The following B3GALT5 variants were observed in gnomAD, a reference collection of about 807,000 sequenced individuals.
B3GALT5 encodes the protein UDP-Gal:betaGlcNAc beta 1,3-galactosyltransferase, polypeptide 5.
For synonymous variants in B3GALT5, 156 were observed against 158.6 expected (o/e 0.98, Z 0.12); for missense variants, 328 against 396.6 (o/e 0.83, Z 1.47).
chr21:39,649,467 G>A (rs1026217875), intron 2 of B3GALT5, among the ~76,000 whole-genome samples: 6 of 152,178 alleles, frequency 3.9e-5, no homozygotes, highest in Admixed American at 1.3e-4. Flanking sequence ...CCCCTGCCCC[G>A]TTAAAGAAAA....
At position 39,615,571 on chromosome 21, in the gene B3GALT5, A is replaced by G. The variant is rs78128405; in HGVS notation, c.-392+2504A>G. On this transcript the variant is annotated intron_variant, in intron 1 of 3. Coordinates refer to ENST00000684187, the MANE Select transcript of B3GALT5 (RefSeq NM_001356336.2). ...GGCTGATCATTCATTCACGCATTGAATAAATATTCTTGCAGAGATAAATAG... is the reference window on the plus strand; with the variant it reads ...GGCTGATCATTCATTCACGCATTGAGTAAATATTCTTGCAGAGATAAATAG... 3.9e-5 allele frequency among the ~76,000 whole-genome samples: 6 copies of G among 152,346 alleles called. No individual in the cohort carries two copies. The East Asian group carries it at 1.2e-3, about 29-fold the overall frequency.
In B3GALT5 at chr21:39,661,044, A is replaced by T; in HGVS notation, c.485A>T (p.Asn162Ile). 1 of 1,614,218 alleles carries T rather than the reference A, an allele frequency of 6.2e-7. No individual in the cohort carries two copies. The highest frequency in any genetic ancestry group is 1.1e-5 in the South Asian group (1 of 91,084). ...AAAACAGACTCAGACATGTTCATCA[A>T]TGTTGACTATCTGACTGAACTGCTT... ...VMKTDSDMFI[N>I]VDYLTELLLK... is the part of the protein sequence containing the mutation. The change falls in exon 4 of 4, where the codon AAT (asparagine) becomes ATT (isoleucine). Residue 162 changes from asparagine to isoleucine, a missense_variant. By Grantham distance (149) the Asn-to-Ile change is moderately radical (BLOSUM62 -3). Coordinates refer to ENST00000684187, the MANE Select transcript of B3GALT5 (RefSeq NM_001356336.2). This position sits in a 1 kb window ranked among gnomAD's most constrained non-coding sequence, Gnocchi z 4.7.
chr21:39,622,119 C>T (rs896936208), intron 1 of B3GALT5, among the ~76,000 whole-genome samples: 1 of 151,856 alleles, frequency 6.6e-6, no homozygotes, highest in Admixed American at 6.6e-5. Flanking sequence ...ATTATGATTT[C>T]CTCTTTAAGC....
intron 1 of B3GALT5, among the ~76,000 whole-genome samples, chr21:39,639,300 TTC>T (rs1334577310): frequency 1.4e-5 from 1 of 70,154 alleles, no homozygotes; most frequent in Non-Finnish European, 2.8e-5. Context: ...CTTTCTTTCT[TTC>T]TTTCTTTCTT....
At chr21:39,657,326 T>C (rs1386040122) in intron 2 of B3GALT5, 1 of 152,256 alleles carries the variant, frequency 6.6e-6, no homozygotes, top group Non-Finnish European at 1.5e-5. Context: ...ATCCATTGAC[T>C]GGGCCCAGAT....
At chr21:39,657,715 A>G (rs906909698) in intron 2 of B3GALT5, 20 of 497,506 alleles carry the variant, frequency 4.0e-5, no homozygotes, top group South Asian at 1.1e-4. Flanking sequence ...CTACCTGCCT[A>G]TCTATCTTTT....
intron 2 of B3GALT5, among the ~76,000 whole-genome samples, chr21:39,659,023 G>A (rs893920594): frequency 3.3e-5 from 5 of 152,180 alleles, no homozygotes; most frequent in East Asian, 3.9e-4. Flanking sequence ...AGGGGACTGC[G>A]TGAGCCCAGG....
chr21:39,656,196 T>C (rs559676034), intron 2 of B3GALT5, among the ~76,000 whole-genome samples: 10 of 152,096 alleles, frequency 6.6e-5, no homozygotes, highest in Non-Finnish European at 1.5e-4. Flanking sequence ...AACCGTGGGG[T>C]TGTTCAGACA....
chr21:39,667,769 G>A lies in B3GALT5; in HGVS notation c.*6277G>A, dbSNP rs1208988842. On this transcript the variant is annotated 3_prime_UTR_variant, in exon 4 of 4. Coordinates refer to ENST00000684187, the MANE Select transcript of B3GALT5 (RefSeq NM_001356336.2). ...AGGGCCCATGGGAGGATACTAACTG[G>A]GGAAGAGGAGACCTTGCTTCCAGGG... The A allele has an allele frequency of 6.6e-6, 1 of 152,200 alleles. No individual in the cohort carries two copies. Among genetic ancestry groups the A allele is most frequent in the Non-Finnish European group, 1.5e-5 (1 of 68,042 alleles). The allele number at this position is 152,200 out of a possible 1,614,324, so 9.4% of individuals were successfully genotyped here.
chr21:39,641,855 C>T (rs2079293071), intron 1 of B3GALT5, among the ~76,000 whole-genome samples: 1 of 152,192 alleles, frequency 6.6e-6, no homozygotes, highest in African/African-American at 2.4e-5. Flanking sequence ...AAAAGTGAGA[C>T]ATGTAAAACT....
chr21:39,644,429 G>C (rs2079317819), intron 1 of B3GALT5, among the ~76,000 whole-genome samples: 1 of 152,270 alleles, frequency 6.6e-6, no homozygotes, highest in African/African-American at 2.4e-5. Flanking sequence ...AACCCAAATG[G>C]GAGGCAGGCT....
intron 2 of B3GALT5, among the ~76,000 whole-genome samples, chr21:39,651,427 C>T (rs1245260708): frequency 1.3e-5 from 2 of 152,202 alleles, no homozygotes; most frequent in African/African-American, 4.8e-5. Flanking sequence ...CATTCCTTGG[C>T]TGGGAGACAC....
chr21:39,638,480 C>T (rs763798409), intron 1 of B3GALT5, among the ~76,000 whole-genome samples: 5 of 152,168 alleles, frequency 3.3e-5, no homozygotes, highest in African/African-American at 4.8e-5. Context: ...CAGCCTGACT[C>T]CAGGGGAAAA....
At position 39,664,576 on chromosome 21, in the gene B3GALT5, C is replaced by A. The variant is rs556007104; in HGVS notation, c.*3084C>A. 1 of 152,458 alleles carries A rather than the reference C, an allele frequency of 6.6e-6. No individual in the cohort carries two copies. Among genetic ancestry groups the A allele is most frequent in the East Asian group, 1.9e-4 (1 of 5,166 alleles). The allele number at this position is 152,458 out of a possible 1,614,324, so 9.4% of individuals were successfully genotyped here. A position where few individuals can be genotyped will look rare whatever the true frequency, so the allele number is the denominator to read the frequency against. On this transcript the variant is annotated 3_prime_UTR_variant, in exon 4 of 4. Transcript: ENST00000684187. ...GACCCCCTTCCCCGTCCCGCTGCCC[C>A]ATCCTGTTGCGTTTCTGGTGGAACC... is the stretch of plus-strand genomic sequence containing the variant.
intron 1 of B3GALT5, among the ~76,000 whole-genome samples, chr21:39,643,397 A>G (rs1208806227): frequency 5.9e-5 from 9 of 151,514 alleles, no homozygotes; most frequent in Middle Eastern, 3.2e-3. Context: ...CAGCCTGGGC[A>G]ACAGAGCGAG....
chr21:39,615,430 A>G (rs1437016757), intron 1 of B3GALT5, among the ~76,000 whole-genome samples: 17 of 152,236 alleles, frequency 1.1e-4, no homozygotes, highest in Admixed American at 1.1e-3. Context: ...AGTGAGATTC[A>G]TTTGAAAAAC....
chr21:39,638,324 C>G (rs531581), intron 1 of B3GALT5, among the ~76,000 whole-genome samples: 59,340 of 152,026 alleles, frequency 0.39, 11,789 homozygotes, highest in South Asian at 0.5. Context: ...GAGAGGAGCA[C>G]ATCAGCGGAG....
intron 2 of B3GALT5, among the ~76,000 whole-genome samples, chr21:39,654,572 A>C (rs1393991680): frequency 6.6e-6 from 1 of 152,254 alleles, no homozygotes; most frequent in African/African-American, 2.4e-5. Flanking sequence ...TCCAATTTCA[A>C]AATAAGTTCT....
At chr21:39,623,348 A>G (rs770703369) in intron 1 of B3GALT5, among the ~76,000 whole-genome samples, 1 of 150,864 alleles carries the variant, frequency 6.6e-6, no homozygotes, top group African/African-American at 2.4e-5. Flanking sequence ...AAACATGAAA[A>G]TGTAGTTATT....
Sources: gnomAD v4.1 joint callset for allele counts (sites outside exome capture counted in the v4.1 genomes callset) on GRCh38, gnomAD v4.1.1 for gene constraint, Gnocchi (gnomAD v3.1) non-coding constraint, MANE v1.5 for transcripts, NCBI Gene and HGNC (gene_info 2026-07-23, HGNC 2026-07-21) for gene names.